Variants in RPRD1B observed in about 807,000 individuals in gnomAD.
RPRD1B encodes the protein regulation of nuclear pre-mRNA domain-containing protein 1B.
A neutral mutation model predicts 41.5 loss-of-function variants in RPRD1B; 11 were observed. That is an observed-to-expected ratio of 0.27 (90% CI 0.17 to 0.44). The LOEUF (loss-of-function observed/expected upper bound fraction) is 0.44. RPRD1B is among the 20% of genes least tolerant of loss of function. The probability of loss-of-function intolerance (pLI) is 1.00; values close to 1 mark genes in which losing one functional copy is unlikely to be tolerated. For missense variants in RPRD1B, 248 were observed against 389.9 expected, an observed-to-expected ratio of 0.64 and a Z score of 3.06; for synonymous variants, 158 against 155.6, an observed-to-expected ratio of 1.02 and a Z score of -0.12.
chr20:38,053,969 C>G (rs966090699), intron 3 of RPRD1B, among the ~76,000 whole-genome samples: 1 of 152,104 alleles, frequency 6.6e-6, no homozygotes, highest in Non-Finnish European at 1.5e-5. Flanking sequence ...AACCAATCCC[C>G]CATGGATACT....
chr20:38,044,868 A>C (rs781012283), intron 2 of RPRD1B, among the ~76,000 whole-genome samples: 1 of 152,140 alleles, frequency 6.6e-6, no homozygotes, highest in Non-Finnish European at 1.5e-5. Flanking sequence ...AAGTGTAGGG[A>C]ATACTTAGAA....
chr20:38,073,198 A>G (rs1333350510), intron 6 of RPRD1B, among the ~76,000 whole-genome samples: 1 of 152,218 alleles, frequency 6.6e-6, no homozygotes, highest in Non-Finnish European at 1.5e-5. Flanking sequence ...GAGAAATGAC[A>G]TTTTATGTGG....
At chr20:38,064,751 C>T (rs1275190831) in intron 5 of RPRD1B, among the ~76,000 whole-genome samples, 2 of 152,126 alleles carry the variant, frequency 1.3e-5, no homozygotes, top group African/African-American at 4.8e-5. Flanking sequence ...AGTCTGGTAG[C>T]TAATGACCAA....
rs923883158 is a variant in RPRD1B, at chr20:38,048,435, G to A, written c.369G>A (p.Gln123=). 1.2e-5 allele frequency: 19 copies of A among 1,613,668 alleles called. No homozygotes were observed. Among genetic ancestry groups the A allele is most frequent in the South Asian group, 5.5e-5 (5 of 91,044 alleles). ...GTGTGTATGGCGGCGAGTTCATACA[G>A]CAGCTGAAGCTGTCTATGGAGGACT... is the stretch of plus-strand genomic sequence containing the variant. The part of the protein sequence containing the change: ...ERSVYGGEFI[Q]QLKLSMEDSK... Residue 123 remains glutamine, a synonymous_variant, in exon 3 of 7, where the codon CAG becomes CAA. Coordinates refer to ENST00000373433, the MANE Select transcript of RPRD1B (RefSeq NM_021215.4).
chr20:38,035,701 T>C (rs1419793932), intron 1 of RPRD1B, among the ~76,000 whole-genome samples: 3 of 152,110 alleles, frequency 2.0e-5, no homozygotes, highest in African/African-American at 7.2e-5. Context: ...GAATTGCCAC[T>C]GTACAGAATT....
At chr20:38,058,192 C>T (rs1319695467) in intron 4 of RPRD1B, among the ~76,000 whole-genome samples, 2 of 152,012 alleles carry the variant, frequency 1.3e-5, no homozygotes, top group Non-Finnish European at 2.9e-5. Context: ...GTAACTTGAC[C>T]AGTGTCTTAA....
Position 38,049,933 on chromosome 20 carries a change from C to T in RPRD1B, c.415+1452C>T, listed in dbSNP as rs1311485041. The T allele has an allele frequency of 1.1e-5, 5 of 441,780 alleles. No individual in the cohort carries two copies. In the Admixed American group the frequency reaches 1.2e-4, roughly 11 times the overall value. The allele number at this position is 441,780 out of a possible 1,614,324, so 27.4% of individuals were successfully genotyped here. Reference sequence around the variant, plus strand: ...CAAACTGAATTGCCGACAGTTTACCCTCTGGATGCTCTGTTGGCACTGCTT... The same window carrying T: ...CAAACTGAATTGCCGACAGTTTACCTTCTGGATGCTCTGTTGGCACTGCTT... On this transcript the variant is annotated intron_variant, in intron 3 of 6. Transcript: ENST00000373433.
chr20:38,070,791 A>G, intron 6 of RPRD1B: 1 of 921,226 alleles, frequency 1.1e-6, no homozygotes, highest in Non-Finnish European at 1.3e-6. Context: ...CCAGGGCTAG[A>G]GTGCAGTAGA....
intron 6 of RPRD1B, among the ~76,000 whole-genome samples, chr20:38,071,043 T>C (rs2074408560): frequency 6.6e-6 from 1 of 152,222 alleles, no homozygotes; most frequent in Admixed American, 6.5e-5. Flanking sequence ...TAACTGTGAA[T>C]TTTATTCAGA....
At chr20:38,052,708 G>A (rs1318905403) in intron 3 of RPRD1B, among the ~76,000 whole-genome samples, 4 of 148,930 alleles carry the variant, frequency 2.7e-5, no homozygotes, top group Admixed American at 2.0e-4. Flanking sequence ...AACTGATTGC[G>A]ATCAATTAGT....
intron 6 of RPRD1B, among the ~76,000 whole-genome samples, chr20:38,072,487 T>C (rs1051621512): frequency 9.2e-5 from 14 of 152,236 alleles, no homozygotes; most frequent in African/African-American, 3.4e-4. Flanking sequence ...TTGTTTTGGC[T>C]ATTTAGGATC....
At chr20:38,050,126 T>A (rs1269412050) in intron 3 of RPRD1B, among the ~76,000 whole-genome samples, 1 of 152,242 alleles carries the variant, frequency 6.6e-6, no homozygotes, top group Non-Finnish European at 1.5e-5. Flanking sequence ...GCATCTGCTA[T>A]AGAACCTAGT....
At chr20:38,038,501 T>G (rs1249795833) in intron 1 of RPRD1B, among the ~76,000 whole-genome samples, 10 of 138,502 alleles carry the variant, frequency 7.2e-5, no homozygotes, top group South Asian at 4.8e-4. Context: ...TTTTTTTTTT[T>G]TTTTTTTTTT....
intron 2 of RPRD1B, among the ~76,000 whole-genome samples, chr20:38,048,068 C>T (rs2074137847): frequency 6.6e-6 from 1 of 152,162 alleles, no homozygotes. Context: ...GCTATCACAA[C>T]TGATAAGATG....
rs150397040 is a variant in RPRD1B at position 38,038,490 on chromosome 20, G to GTTTTTTTT, written c.152-1928_152-1921dup. Among the ~76,000 whole-genome samples, 89 of 76,754 alleles carry GTTTTTTTT rather than the reference G, an allele frequency of 1.2e-3. 2 individuals carry two copies. Among genetic ancestry groups the GTTTTTTTT allele is most frequent in the African/African-American group, 3.8e-3 (78 of 20,728 alleles). 50.4% of individuals were successfully genotyped at this position (76,754 alleles called of 152,430 possible). On this transcript the variant is annotated intron_variant, in intron 1 of 6. Coordinates refer to ENST00000373433, the MANE Select transcript of RPRD1B (RefSeq NM_021215.4). ...ACGCCCGGCTGATTTTTTTTGTTTT[G>GTTTTTTTT]TTTTTTTTTTTTTTTTTTTTTTTTG...
At chr20:38,040,941 CCAA>C (rs1168033425) in intron 2 of RPRD1B, among the ~76,000 whole-genome samples, 290 of 152,280 alleles carry the variant, frequency 1.9e-3, no homozygotes, top group African/African-American at 6.4e-3. Flanking sequence ...AAATTAATTG[CCAA>C]ATGCCTTCCT....
chr20:38,077,952 G>T (rs1227900319), intron 6 of RPRD1B, among the ~76,000 whole-genome samples: 1 of 152,088 alleles, frequency 6.6e-6, no homozygotes, highest in Non-Finnish European at 1.5e-5. Flanking sequence ...GAGGCAGGCG[G>T]ATCACTTGAG....
intron 3 of RPRD1B, 78 bp downstream of exon 3, chr20:38,048,559 TTGC>T: frequency 6.6e-7 from 1 of 1,523,608 alleles, no homozygotes; most frequent in Non-Finnish European, 8.9e-7. Context: ...GCAGTGGGGT[TTGC>T]TGTGAACCAC....
Position 38,057,675 on chromosome 20 carries a change from A to G in RPRD1B, c.528+31A>G, listed in dbSNP as rs760688194. 2.8e-6 allele frequency: 4 copies of G among 1,435,618 alleles called. No homozygotes were observed. In the South Asian group the frequency reaches 3.4e-5, roughly 12 times the overall value. The allele number at this position is 1,435,618 out of a possible 1,614,324, so 88.9% of individuals were successfully genotyped here. On this transcript the variant is annotated intron_variant, in intron 4 of 6. Coordinates refer to ENST00000373433, the MANE Select transcript of RPRD1B (RefSeq NM_021215.4). ...TCTTGACCCCCAGAGAGTAGGGAAC[A>G]GTGGCTTAAAGTGACCTCTAGTTGA...
Sources: gnomAD v4.1 joint callset for allele counts (sites outside exome capture counted in the v4.1 genomes callset) on GRCh38, gnomAD v4.1.1 for gene constraint, MANE v1.5 for transcripts, NCBI Gene and HGNC (gene_info 2026-07-23, HGNC 2026-07-21) for gene names.